STK32B: variants seen among roughly 807,000 people sequenced by gnomAD.
STK32B encodes serine/threonine-protein kinase 32B.
Under a neutral mutation model 52.6 loss-of-function variants are expected in STK32B, and 43 were observed. The observed-to-expected ratio is 0.82, with a 90% CI of 0.64 to 1.05. The LOEUF is 1.05. STK32B is among the 50% of genes least tolerant of loss of function. STK32B has a pLI of 0.00. For missense variants in STK32B, 621 were observed against 534.6 expected, an observed-to-expected ratio of 1.16 and a Z score of -1.59; for synonymous variants, 238 against 204.3, an observed-to-expected ratio of 1.17 and a Z score of -1.41.
intron 3 of STK32B, among the ~76,000 whole-genome samples, chr4:5,196,366 G>T (rs1177765348): frequency 8.5e-6 from 1 of 117,042 alleles, no homozygotes; most frequent in Non-Finnish European, 1.7e-5. Context: ...TTTTGGTGGT[G>T]GGGGGCCCAC....
intron 3 of STK32B, among the ~76,000 whole-genome samples, chr4:5,235,045 A>G (rs1249342900): frequency 1.3e-5 from 2 of 152,232 alleles, no homozygotes; most frequent in Non-Finnish European, 2.9e-5. Flanking sequence ...TGTTAAGTAA[A>G]CCAGAACATT....
intron 4 of STK32B, among the ~76,000 whole-genome samples, chr4:5,366,758 C>T (rs1362213232): frequency 2.6e-5 from 4 of 152,200 alleles, no homozygotes; most frequent in Non-Finnish European, 4.4e-5. Flanking sequence ...TGCCAGATTC[C>T]TTGACTACTG....
chr4:5,165,837 T>C (rs1235944572), intron 2 of STK32B, among the ~76,000 whole-genome samples: 1 of 152,220 alleles, frequency 6.6e-6, no homozygotes, highest in Admixed American at 6.5e-5. Context: ...AATTTTACTC[T>C]GTGGAAAAAA....
chr4:5,409,165 C>T (rs2109060708), intron 5 of STK32B, among the ~76,000 whole-genome samples: 1 of 152,258 alleles, frequency 6.6e-6, no homozygotes, highest in Non-Finnish European at 1.5e-5. Context: ...CACCTGAGTG[C>T]ATCTCATCAG....
intron 3 of STK32B, among the ~76,000 whole-genome samples, chr4:5,326,693 A>G (rs1731900228): frequency 6.6e-6 from 1 of 152,210 alleles, no homozygotes; most frequent in South Asian, 2.1e-4. Flanking sequence ...CCTTCTTTCA[A>G]CAAGTCACAG....
intron 3 of STK32B, among the ~76,000 whole-genome samples, chr4:5,228,664 G>C (rs1470602024): frequency 1.3e-5 from 2 of 152,118 alleles, no homozygotes; most frequent in African/African-American, 4.8e-5. Flanking sequence ...TTGGTTCCCA[G>C]GGCATATAAA....
intron 1 of STK32B, among the ~76,000 whole-genome samples, chr4:5,056,590 C>T (rs966795565): frequency 1.3e-5 from 2 of 152,232 alleles, no homozygotes; most frequent in African/African-American, 2.4e-5. Context: ...ATGGGGCTCC[C>T]GCCCCCTCCA....
At chr4:5,220,936 T>C (rs887505405) in intron 3 of STK32B, among the ~76,000 whole-genome samples, 1 of 152,214 alleles carries the variant, frequency 6.6e-6, no homozygotes, top group Non-Finnish European at 1.5e-5. Context: ...AGGAACTTAC[T>C]GGGGAAAGTT....
chr4:5,271,304 T>TA (rs915829501), intron 3 of STK32B, among the ~76,000 whole-genome samples: 3 of 152,056 alleles, frequency 2.0e-5, no homozygotes, highest in Non-Finnish European at 4.4e-5. Flanking sequence ...GATAAACATG[T>TA]AAAAAAATTA....
intron 1 of STK32B, among the ~76,000 whole-genome samples, chr4:5,074,586 A>G (rs567692008): frequency 6.6e-6 from 1 of 152,074 alleles, no homozygotes; most frequent in Admixed American, 6.6e-5. Flanking sequence ...GATATTGTAG[A>G]TGGTATATTA....
chr4:5,283,913 C>T (rs1472434269), intron 3 of STK32B, among the ~76,000 whole-genome samples: 4 of 151,936 alleles, frequency 2.6e-5, no homozygotes, highest in East Asian at 1.9e-4. Context: ...AAAGTGAAAA[C>T]AAAAACTCAG....
intron 11 of STK32B, among the ~76,000 whole-genome samples, chr4:5,476,069 A>AT (rs535127320): frequency 0.026 from 3,814 of 147,516 alleles, 158 homozygotes; most frequent in African/African-American, 0.089. Context: ...TAATTTTTGT[A>AT]TTTTTTTTTT....
At chr4:5,144,881 G>C (rs533316648) in intron 2 of STK32B, among the ~76,000 whole-genome samples, 2 of 152,186 alleles carry the variant, frequency 1.3e-5, no homozygotes, top group Non-Finnish European at 2.9e-5. Flanking sequence ...AGGTACTGAG[G>C]TTACAAAAGT....
chr4:5,290,679 T>C (rs1216575944), intron 3 of STK32B, among the ~76,000 whole-genome samples: 1 of 152,144 alleles, frequency 6.6e-6, no homozygotes, highest in Non-Finnish European at 1.5e-5. Flanking sequence ...ATGTGCTGAA[T>C]GTGCAGGTTA....
chr4:5,216,209 G>T (rs1446049212), intron 3 of STK32B, among the ~76,000 whole-genome samples: 2 of 152,130 alleles, frequency 1.3e-5, no homozygotes, highest in Non-Finnish European at 2.9e-5. Context: ...TAGCGGACTT[G>T]CATTTCTAAC....
At chr4:5,465,518 A>G (rs1717364823) in intron 9 of STK32B, among the ~76,000 whole-genome samples, 1 of 152,164 alleles carries the variant, frequency 6.6e-6, no homozygotes, top group South Asian at 2.1e-4. Flanking sequence ...GTTCAAGGCC[A>G]GGAATCCTAG....
intron 2 of STK32B, among the ~76,000 whole-genome samples, chr4:5,159,990 G>C (rs1291273779): frequency 6.6e-6 from 1 of 151,918 alleles, no homozygotes; most frequent in Non-Finnish European, 1.5e-5. Flanking sequence ...ACTTCATTCA[G>C]GCCTTCAACA....
chr4:5,389,435 G>C (rs1297629179), intron 4 of STK32B, among the ~76,000 whole-genome samples: 1 of 151,980 alleles, frequency 6.6e-6, no homozygotes, highest in Non-Finnish European at 1.5e-5. Context: ...TTACTCCTTG[G>C]CTTGCAGATG....
At chr4:5,064,528 A>G (rs1448428033) in intron 1 of STK32B, among the ~76,000 whole-genome samples, 1 of 56,874 alleles carries the variant, frequency 1.8e-5, no homozygotes, top group Non-Finnish European at 3.6e-5. Context: ...ACTTATATAC[A>G]TATATAATAT....
Sources: gnomAD v4.1 joint callset for allele counts (sites outside exome capture counted in the v4.1 genomes callset) on GRCh38, gnomAD v4.1.1 for gene constraint, MANE v1.5 for transcripts, NCBI Gene and HGNC (gene_info 2026-07-23, HGNC 2026-07-21) for gene names.